CBLN2: variants seen among roughly 807,000 people sequenced by gnomAD.
CBLN2 encodes cerebellin-2.
Under a neutral mutation model 15.0 loss-of-function variants are expected in CBLN2, and 7 were observed. The ratio of observed to expected loss-of-function variants is 0.47; its 90% CI spans 0.27 to 0.88. CBLN2 has a LOEUF of 0.88. Among genes scored for constraint, CBLN2 ranks in the 40% least tolerant of loss-of-function variants. The pLI is 0.14. For synonymous variants in CBLN2, 149 were observed against 135.2 expected (o/e 1.10, Z -0.71); for missense variants, 242 against 304.5 (o/e 0.79, Z 1.53).
rs113104204 is a variant in CBLN2 at position 72,581,954 on chromosome 18, G to T, written c.16-43182C>A. Among the ~76,000 whole-genome samples, 1,026 of 152,142 alleles carry T rather than the reference G, an allele frequency of 6.7e-3. 11 individuals carry two copies. The highest frequency in any genetic ancestry group is 0.024 in the African/African-American group (983 of 41,498). On this transcript the variant is annotated intron_variant, in intron 1 of 2. Coordinates refer to the CBLN2 transcript ENST00000581073. ...AATATGCAATAACATTCAAAGTTTT[G>T]GGGTTTTGTTTGTGAGGAGCTTCTC...
intron 1 of CBLN2, among the ~76,000 whole-genome samples, chr18:72,600,713 TAGG>T (rs1334392440): frequency 1.3e-5 from 2 of 152,148 alleles, no homozygotes; most frequent in Non-Finnish European, 2.9e-5. Flanking sequence ...GGCAGTCACA[TAGG>T]AGAAGGGGTT....
chr18:72,636,843 C>T (rs1426172016), intron 1 of CBLN2, among the ~76,000 whole-genome samples: 1 of 151,998 alleles, frequency 6.6e-6, no homozygotes, highest in Non-Finnish European at 1.5e-5. Context: ...ATGAAAAATT[C>T]ATGACTTGAA....
intron 1 of CBLN2, among the ~76,000 whole-genome samples, chr18:72,566,573 G>A (rs1284499241): frequency 6.6e-6 from 1 of 152,138 alleles, no homozygotes; most frequent in Admixed American, 6.5e-5. Flanking sequence ...AATACTGCGT[G>A]TTGTCACTCA....
At chr18:72,614,854 T>C (rs1405487114) in intron 1 of CBLN2, among the ~76,000 whole-genome samples, 1 of 151,578 alleles carries the variant, frequency 6.6e-6, no homozygotes, top group Non-Finnish European at 1.5e-5. Context: ...CTATCTTTTC[T>C]GGGTTTTAAA....
Position 72,601,192 on chromosome 18 carries a change from T to C in CBLN2, c.15+37133A>G, listed in dbSNP as rs138123915. ...GGCTATTATCATCCTTGCTTTAAGG[T>C]TGAAGTACAAACTCAATTTCTTCCC... On this transcript the variant is annotated intron_variant, in intron 1 of 2. Coordinates refer to the CBLN2 transcript ENST00000581073. Among the ~76,000 whole-genome samples the C allele has an allele frequency of 2.0e-3, 305 of 152,256 alleles. 1 individual carries two copies. The highest frequency in any genetic ancestry group is 7.1e-3 in the African/African-American group (293 of 41,546).
upstream of CBLN2, among the ~76,000 whole-genome samples, chr18:72,548,021 G>C (rs1404254462): frequency 1.3e-5 from 2 of 152,200 alleles, no homozygotes; most frequent in Non-Finnish European, 2.9e-5. Flanking sequence ...TGAATTAAAG[G>C]AGTGAAAAGC....
At chr18:72,624,366 C>A (rs574945143) in intron 1 of CBLN2, among the ~76,000 whole-genome samples, 3 of 152,194 alleles carry the variant, frequency 2.0e-5, no homozygotes, top group Admixed American at 2.0e-4. Context: ...ATTACCCTAA[C>A]TAAAACTATC....
intron 1 of CBLN2, among the ~76,000 whole-genome samples, chr18:72,578,942 T>G (rs552273579): frequency 6.6e-6 from 1 of 152,316 alleles, no homozygotes; most frequent in South Asian, 2.1e-4. Context: ...TGTGTCGCTA[T>G]CCATGTCGCT....
intron 1 of CBLN2, among the ~76,000 whole-genome samples, chr18:72,561,580 T>A (rs1268832685): frequency 6.6e-6 from 1 of 152,222 alleles, no homozygotes; most frequent in Admixed American, 6.5e-5. Context: ...TAACAGTGCA[T>A]ACATTATTTA....
chr18:72,636,944 C>G (rs1364761198), intron 1 of CBLN2, among the ~76,000 whole-genome samples: 1 of 148,880 alleles, frequency 6.7e-6, no homozygotes, highest in Non-Finnish European at 1.5e-5. Context: ...TTCAGTCATG[C>G]AGAAGCTCAA....
chr18:72,619,033 G>A (rs2069682087), intron 1 of CBLN2: 1 of 760,836 alleles, frequency 1.3e-6, no homozygotes, highest in African/African-American at 1.7e-5. Flanking sequence ...TTTTGGAGGT[G>A]GTGGAAGCTA....
intron 1 of CBLN2, among the ~76,000 whole-genome samples, chr18:72,588,894 C>A (rs944873075): frequency 3.9e-5 from 6 of 152,086 alleles, no homozygotes; most frequent in Non-Finnish European, 7.3e-5. Context: ...ATTTGGAAGG[C>A]AGGAAGGAAA....
intron 1 of CBLN2, among the ~76,000 whole-genome samples, chr18:72,574,864 A>G (rs879650525): frequency 1.3e-5 from 2 of 152,204 alleles, no homozygotes; most frequent in Non-Finnish European, 2.9e-5. Context: ...ATAAATTTGA[A>G]GGGCAAATTC....
chr18:72,575,126 A>G (rs2069356492), intron 1 of CBLN2, among the ~76,000 whole-genome samples: 1 of 152,140 alleles, frequency 6.6e-6, no homozygotes, highest in Non-Finnish European at 1.5e-5. Flanking sequence ...GTACGGTTGG[A>G]ACAGGGCTGC....
At chr18:72,571,477 C>T (rs919118548) in intron 1 of CBLN2, among the ~76,000 whole-genome samples, 7 of 152,124 alleles carry the variant, frequency 4.6e-5, no homozygotes, top group African/African-American at 7.2e-5. Flanking sequence ...GCAAAAGTGG[C>T]GAAAGACGTG....
At chr18:72,556,813 G>A (rs2069229690) in intron 1 of CBLN2, among the ~76,000 whole-genome samples, 1 of 152,042 alleles carries the variant, frequency 6.6e-6, no homozygotes, top group Non-Finnish European at 1.5e-5. Flanking sequence ...GGAGTGGAAA[G>A]TAGAGAACCA....
At chr18:72,596,290 T>C (rs2069513157) in intron 1 of CBLN2, among the ~76,000 whole-genome samples, 1 of 151,176 alleles carries the variant, frequency 6.6e-6, no homozygotes. Context: ...TAATAAAAAC[T>C]CTGTTTTTTA....
chr18:72,617,587 A>T (rs2144962361), intron 1 of CBLN2, among the ~76,000 whole-genome samples: 1 of 152,326 alleles, frequency 6.6e-6, no homozygotes, highest in Non-Finnish European at 1.5e-5. Context: ...TTAAGTATGT[A>T]GACATTTTGC....
intron 1 of CBLN2, among the ~76,000 whole-genome samples, chr18:72,575,252 T>TGTGA (rs1245395992): frequency 6.6e-6 from 1 of 152,066 alleles, no homozygotes; most frequent in Non-Finnish European, 1.5e-5. Context: ...TGGCCATGGC[T>TGTGA]GTGAGTGAGT....
Sources: gnomAD v4.1 joint callset for allele counts (sites outside exome capture counted in the v4.1 genomes callset) on GRCh38, gnomAD v4.1.1 for gene constraint, MANE v1.5 for transcripts, NCBI Gene and HGNC (gene_info 2026-07-23, HGNC 2026-07-21) for gene names.